CAMSAP3: variants seen among roughly 807,000 people sequenced by gnomAD.
The protein encoded by CAMSAP3 is calmodulin-regulated spectrin-associated protein 3.
In CAMSAP3, 34 loss-of-function variants were observed where a neutral mutation model predicts 112.5. The ratio of observed to expected loss-of-function variants is 0.30; its 90% CI spans 0.23 to 0.40. The LOEUF is 0.40. Among genes scored for constraint, CAMSAP3 ranks in the 10% least tolerant of loss-of-function variants. The probability of loss-of-function intolerance (pLI) is 1.00; values close to 1 mark genes in which losing one functional copy is unlikely to be tolerated. For synonymous variants in CAMSAP3, 868 were observed against 799.8 expected, an observed-to-expected ratio of 1.09 and a Z score of -1.44; for missense variants, 1,602 against 1,770.3, an observed-to-expected ratio of 0.90 and a Z score of 1.71.
Position 7,612,903 on chromosome 19 carries a change from G to A in CAMSAP3, c.2410G>A (p.Val804Ile). 4.3e-6 allele frequency: 7 copies of A among 1,609,252 alleles called. No individual in the cohort carries two copies. The highest frequency in any genetic ancestry group is 5.9e-6 in the Non-Finnish European group (7 of 1,179,088). Residue 804 changes from valine to isoleucine, a missense_variant, in exon 11 of 17, where the codon GTA becomes ATA. This residue lies in a region of CAMSAP3 where 1,100 missense variants were observed against 1,135.7 expected (regional missense o/e 0.97). Coordinates refer to ENST00000160298, the MANE Select transcript of CAMSAP3 (RefSeq NM_020902.2). ...CAGGGTGCTTACGCCACCCCACGAC[G>A]TAGACAGCCTCCCCCACCTGCGCAA... is the stretch of plus-strand genomic sequence containing the variant. The part of the protein sequence containing the change: ...LTRVLTPPHD[V>I]DSLPHLRKFS...
At position 7,612,142 on chromosome 19, in the gene CAMSAP3, C is replaced by T. The variant is rs1239752072; in HGVS notation, c.1649C>T (p.Ala550Val). 2 of 1,612,496 alleles carry T rather than the reference C, an allele frequency of 1.2e-6. No individual in the cohort carries two copies. Among genetic ancestry groups the T allele is most frequent in the South Asian group, 1.1e-5 (1 of 91,036 alleles). ...GCCCCATCCGAGGGGTCCCCGAAGG[C>T]GGTGGCTTCGTCCCCAGCAGCCACC... ...PPAPSEGSPK[A>V]VASSPAATNS... is the part of the protein sequence containing the mutation. Residue 550 changes from alanine to valine, a missense_variant, in exon 11 of 17, where the codon GCG becomes GTG. Coordinates refer to ENST00000160298, the MANE Select transcript of CAMSAP3 (RefSeq NM_020902.2).
chr19:7,611,909 G>A lies in CAMSAP3; in HGVS notation c.1416G>A (p.Arg472=). The change falls in exon 11 of 17, where the codon CGG becomes CGA. Residue 472 remains arginine (R), a synonymous_variant. Transcript: ENST00000160298. The surrounding 1 kb of genome is among the most constrained non-coding windows in gnomAD (Gnocchi z 6.9). ...AGATCATCCACAGTGCCGAGCCCCG[G>A]CTCCTCCCAGATGGGGCGGCCGACG... ...ALQIIHSAEP[R]LLPDGAADGS... is the part of the protein sequence containing the mutation. The A allele has an allele frequency of 1.9e-6, 3 of 1,582,994 alleles. No individual in the cohort carries two copies. The highest frequency in any genetic ancestry group is 2.6e-6 in the Non-Finnish European group (3 of 1,161,776).
In CAMSAP3 at chr19:7,612,280, T is replaced by C; in HGVS notation, c.1787T>C (p.Leu596Pro). The C allele has an allele frequency of 6.3e-7, 1 of 1,599,508 alleles. No individual in the cohort carries two copies. Among genetic ancestry groups the C allele is most frequent in the Non-Finnish European group, 8.5e-7 (1 of 1,173,714 alleles). The change falls in exon 11 of 17, where the codon CTG (leucine) becomes CCG (proline). Residue 596 changes from leucine to proline, a missense_variant. By Grantham distance (98) the Leu-to-Pro change is moderately conservative (BLOSUM62 -3). This residue lies in a region of CAMSAP3 where 1,100 missense variants were observed against 1,135.7 expected (regional missense o/e 0.97). Coordinates refer to ENST00000160298, the MANE Select transcript of CAMSAP3 (RefSeq NM_020902.2). ...PTSTPAPPEA[L>P]SSEMSELSAR... is the part of the protein sequence containing the mutation. ...TCCACTCCGGCCCCGCCGGAGGCCC[T>C]GAGCTCGGAGATGAGTGAGCTCAGC...
At position 7,611,881 on chromosome 19, in the gene CAMSAP3, T is replaced by C. The variant is rs371660735; in HGVS notation, c.1388T>C (p.Leu463Pro). 77 of 1,569,148 alleles carry C rather than the reference T, an allele frequency of 4.9e-5. No homozygotes were observed. The highest frequency in any genetic ancestry group is 6.6e-5 in the Non-Finnish European group (76 of 1,155,868). The change falls in exon 11 of 17, where the codon CTG (leucine) becomes CCG (proline). Residue 463 changes from leucine to proline, a missense_variant. Around this residue, in one of 6 missense-constraint regions of CAMSAP3, gnomAD observed 1,100 missense variants for 1,135.7 expected, o/e 0.97. Transcript: ENST00000160298. This position sits in a 1 kb window ranked among gnomAD's most constrained non-coding sequence, Gnocchi z 6.9. ...PGDLPTIEEALQIIHSAEPRL... is the reference protein window; with the variant it reads ...PGDLPTIEEAPQIIHSAEPRL... The stretch of plus-strand genomic sequence containing the variant: ...GACCTGCCCACCATCGAGGAAGCTC[T>C]GCAGATCATCCACAGTGCCGAGCCC...
In CAMSAP3 at chr19:7,611,170, T is replaced by C; in HGVS notation, c.1123+2T>C. On this transcript the variant is annotated splice_donor_variant, in intron 9 of 16. Coordinates refer to ENST00000160298, the MANE Select transcript of CAMSAP3 (RefSeq NM_020902.2). LOFTEE classifies it high-confidence loss of function. This position sits in a 1 kb window ranked among gnomAD's most constrained non-coding sequence, Gnocchi z 6.9. Reference sequence around the variant, plus strand: ...AGTCCCCACTCCGAGGATCCACAGGTGAGGAGGGGGTAGGTGGCTTCTGTC... The same window carrying C: ...AGTCCCCACTCCGAGGATCCACAGGCGAGGAGGGGGTAGGTGGCTTCTGTC... The C allele has an allele frequency of 6.2e-7, 1 of 1,613,256 alleles. No homozygotes were observed. Among genetic ancestry groups the C allele is most frequent in the Non-Finnish European group, 8.5e-7 (1 of 1,179,850 alleles).
At chr19:7,606,927 A>G (rs2146164976) in intron 4 of CAMSAP3, 1 of 1,139,574 alleles carries the variant, frequency 8.8e-7, no homozygotes, top group Non-Finnish European at 1.3e-6. Flanking sequence ...AGCTGTGAGC[A>G]AAGGAGGTTG....
Position 7,608,187 on chromosome 19 carries a change from G to A in CAMSAP3, c.683G>A (p.Ser228Asn), listed in dbSNP as rs2030313753. The change falls in exon 5 of 17, where the codon AGC (serine) becomes AAC (asparagine). Residue 228 changes from serine (S) to asparagine (N), a missense_variant. Ser to Asn is a conservative substitution (Grantham distance 46, BLOSUM62 1). Around this residue, in one of 6 missense-constraint regions of CAMSAP3, gnomAD observed 112 missense variants for 94.2 expected, o/e 1.19. Coordinates refer to ENST00000160298, the MANE Select transcript of CAMSAP3 (RefSeq NM_020902.2). ...RRAPCFPTVT[S>N]LQDLASGAAL... ...GCCCCCTGCTTCCCGACGGTGACCAGCCTCCAGGACCTGGCCAGTGGGGCC... is the reference window on the plus strand; with the variant it reads ...GCCCCCTGCTTCCCGACGGTGACCAACCTCCAGGACCTGGCCAGTGGGGCC... The A allele has an allele frequency of 1.2e-6, 2 of 1,612,696 alleles. No homozygotes were observed. Among genetic ancestry groups the A allele is most frequent in the Non-Finnish European group, 1.7e-6 (2 of 1,179,960 alleles).
In CAMSAP3 at chr19:7,610,920, C is replaced by G; in HGVS notation, c.1038C>G (p.Asn346Lys). The change falls in exon 8 of 17, where the codon AAC becomes AAG. Residue 346 changes from asparagine to lysine, a missense_variant. Transcript: ENST00000160298. The surrounding 1 kb of genome is among the most constrained non-coding windows in gnomAD (Gnocchi z 4.9). Reference protein sequence around the residue: ...RGTEASPPQNNSGSSSPVFTF... With the variant: ...RGTEASPPQNKSGSSSPVFTF... Reference sequence around the variant, plus strand: ...CTGAGGCCTCCCCACCTCAGAACAACAGCGGCAGTAGGTACGCTCCCCACA... The same window carrying G: ...CTGAGGCCTCCCCACCTCAGAACAAGAGCGGCAGTAGGTACGCTCCCCACA... The G allele has an allele frequency of 6.3e-7, 1 of 1,584,740 alleles. No homozygotes were observed. The highest frequency in any genetic ancestry group is 8.6e-7 in the Non-Finnish European group (1 of 1,164,486).
At chr19:7,613,922 C>G (rs912565659) in intron 11 of CAMSAP3, among the ~76,000 whole-genome samples, 2 of 152,000 alleles carry the variant, frequency 1.3e-5, no homozygotes, top group Admixed American at 6.6e-5. Context: ...ACTGAGTGGT[C>G]GGGGATTTTG....
chr19:7,615,145 G>C lies in CAMSAP3; in HGVS notation c.2671-38G>C. ...AAGATGGGCCTCCAGCCATGTTGGGGGAGGGGGTGGCTGGCTGGACTCGGC... is the reference window on the plus strand; with the variant it reads ...AAGATGGGCCTCCAGCCATGTTGGGCGAGGGGGTGGCTGGCTGGACTCGGC... On this transcript the variant is annotated intron_variant, in intron 11 of 16. Transcript: ENST00000160298. The surrounding 1 kb of genome is among the most constrained non-coding windows in gnomAD (Gnocchi z 6.5). The C allele has an allele frequency of 2.6e-6, 4 of 1,552,402 alleles. No individual in the cohort carries two copies. The highest frequency in any genetic ancestry group is 2.6e-6 in the Non-Finnish European group (3 of 1,148,018).
In CAMSAP3 at chr19:7,611,711, A is replaced by C; in HGVS notation, c.1218A>C (p.Ser406=). 1 of 1,559,962 alleles carries C rather than the reference A, an allele frequency of 6.4e-7. No individual in the cohort carries two copies. Residue 406 remains serine (S), a synonymous_variant, in exon 11 of 17, where the codon TCA becomes TCC. Coordinates refer to ENST00000160298, the MANE Select transcript of CAMSAP3 (RefSeq NM_020902.2). The surrounding 1 kb of genome is among the most constrained non-coding windows in gnomAD (Gnocchi z 6.9). ...GCCGTCCCCTCTCCCAGGCTGTGTC[A>C]TTCAGCACCCCCTTTGGCCTGGACA... ...QLSRPLSQAV[S]FSTPFGLDSD...
chr19:7,599,948 T>C (rs1263175389), intron 1 of CAMSAP3, among the ~76,000 whole-genome samples: 2 of 2,782 alleles, frequency 7.2e-4, no homozygotes, highest in African/African-American at 1.8e-3. Context: ...CTCATCCACC[T>C]ACCCACCCAC....
In CAMSAP3 at chr19:7,611,671, C is replaced by T. The variant is rs771589969; in HGVS notation, c.1194-16C>T. Reference sequence around the variant, plus strand: ...AGGCTGGTCCCAGGGGCTGACCCCTCCCTCCGGCCGCCCAGCCGTCCCCTC... The same window carrying T: ...AGGCTGGTCCCAGGGGCTGACCCCTTCCTCCGGCCGCCCAGCCGTCCCCTC... On this transcript the variant is annotated splice_polypyrimidine_tract_variant and intron_variant, in intron 10 of 16. Coordinates refer to ENST00000160298, the MANE Select transcript of CAMSAP3 (RefSeq NM_020902.2). The surrounding 1 kb of genome is among the most constrained non-coding windows in gnomAD (Gnocchi z 6.9). 18 of 1,567,096 alleles carry T rather than the reference C, an allele frequency of 1.1e-5. 1 individual carries two copies. The South Asian group carries it at 2.1e-4, about 18-fold the overall frequency.
rs769441421 is a variant in CAMSAP3 at position 7,618,042 on chromosome 19, C to T, written c.3735C>T (p.Gly1245=). 47 of 1,612,246 alleles carry T rather than the reference C, an allele frequency of 2.9e-5. No individual in the cohort carries two copies. Among genetic ancestry groups the T allele is most frequent in the East Asian group, 4.5e-5 (2 of 44,862 alleles). ...AACCCACCACTCCCAAGAAGGGCGG[C>T]GGCACCCCCAAATAGCCCCACCCGG... ...GKKPTTPKKG[G]GTPK is the part of the protein sequence containing the mutation. Residue 1245 remains glycine (G), a synonymous_variant, in exon 17 of 17, where the codon GGC becomes GGT. Coordinates refer to ENST00000160298, the MANE Select transcript of CAMSAP3 (RefSeq NM_020902.2).
At chr19:7,603,547 C>A (rs1219136571) in intron 1 of CAMSAP3, among the ~76,000 whole-genome samples, 1 of 151,986 alleles carries the variant, frequency 6.6e-6, no homozygotes, top group Non-Finnish European at 1.5e-5. Context: ...ACACACAGAA[C>A]CCCAATATAC....
chr19:7,596,329 G>A (rs1336848178), intron 1 of CAMSAP3, among the ~76,000 whole-genome samples, 179 bp downstream of exon 1: 4 of 150,752 alleles, frequency 2.7e-5, no homozygotes, highest in Admixed American at 2.6e-4. Context: ...TGCTCGGCCC[G>A]GGCGGTGGAC....
At position 7,617,606 on chromosome 19, in the gene CAMSAP3, C is replaced by G; in HGVS notation, c.3389C>G (p.Ser1130Ter). The G allele has an allele frequency of 6.2e-7, 1 of 1,614,202 alleles. No individual in the cohort carries two copies. Among genetic ancestry groups the G allele is most frequent in the Non-Finnish European group, 8.5e-7 (1 of 1,180,034 alleles). Residue 1130 changes from serine (S) to a stop codon, truncating the protein, a stop_gained, in exon 16 of 17, where the codon TCA becomes TGA. Coordinates refer to ENST00000160298, the MANE Select transcript of CAMSAP3 (RefSeq NM_020902.2). LOFTEE classifies it high-confidence loss of function. The surrounding 1 kb of genome is among the most constrained non-coding windows in gnomAD (Gnocchi z 7.5). ...AAGTTCATCATCCACAATGCCCTATCACACTGCTGCCTGGCGGGCAAGGTG... is the reference window on the plus strand; with the variant it reads ...AAGTTCATCATCCACAATGCCCTATGACACTGCTGCCTGGCGGGCAAGGTG... ...SNKFIIHNAL[S>*]HCCLAGKVNE...
intron 14 of CAMSAP3, among the ~76,000 whole-genome samples, chr19:7,616,934 CTTTTTTTTTTT>C (rs545769780): frequency 3.6e-5 from 3 of 83,036 alleles, no homozygotes; most frequent in Non-Finnish European, 6.3e-5. Context: ...TGTGGCCCGC[CTTTTTTTTTTT>C]TTTTTTTTTT....
chr19:7,605,104 G>C, intron 1 of CAMSAP3, 122 bp from the exon 2 acceptor site: 2 of 671,544 alleles, frequency 3.0e-6, no homozygotes, highest in Non-Finnish European at 2.4e-6. Flanking sequence ...CTTTCCCAAT[G>C]CCATCCTCCC....
Sources: gnomAD v4.1 joint callset for allele counts (sites outside exome capture counted in the v4.1 genomes callset) on GRCh38, gnomAD v4.1.1 for gene constraint, gnomAD v4.1.1 regional missense constraint, Gnocchi (gnomAD v3.1) non-coding constraint, MANE v1.5 for transcripts, NCBI Gene and HGNC (gene_info 2026-07-23, HGNC 2026-07-21) for gene names.